The following ACAP3 variants were observed in gnomAD, a reference collection of about 807,000 sequenced individuals.
ACAP3 encodes arf-GAP with coiled-coil, ANK repeat and PH domain-containing protein 3.
A neutral mutation model predicts 104.1 loss-of-function variants in ACAP3; 56 were observed. That is an observed-to-expected ratio of 0.54 (90% CI 0.43 to 0.67). The LOEUF is 0.67. ACAP3 is among the 30% of genes least tolerant of loss of function. ACAP3 has a pLI of 0.00. For synonymous variants in ACAP3, 628 were observed against 496.2 expected, an observed-to-expected ratio of 1.27 and a Z score of -3.53; for missense variants, 1,208 against 1,174.9, an observed-to-expected ratio of 1.03 and a Z score of -0.41.
In ACAP3 at chr1:1,303,145, GT is replaced by G. The variant is rs1641525167; in HGVS notation, c.225+16del. 3.8e-6 allele frequency: 6 copies of G among 1,584,988 alleles called. No homozygotes were observed. The highest frequency in any genetic ancestry group is 5.1e-6 in the Non-Finnish European group (6 of 1,166,404). Reference sequence around the variant, plus strand: ...CCCCAACCCCACCTTGAGGTCAGAGGTCAGTCGGCCCCTCACCGAGATGACG... The same window carrying G: ...CCCCAACCCCACCTTGAGGTCAGAGGCAGTCGGCCCCTCACCGAGATGACG... On this transcript the variant is annotated intron_variant, in intron 3 of 23. Transcript: ENST00000354700. The surrounding 1 kb of genome is among the most constrained non-coding windows in gnomAD (Gnocchi z 4.0).
chr1:1,302,186 G>GGGGGTCA, intron 4 of ACAP3, 140 bp from the exon 5 acceptor site: 1 of 653,400 alleles, frequency 1.5e-6, no homozygotes, highest in Non-Finnish European at 2.3e-6. Flanking sequence ...CTGGCCTCAA[G>GGGGGTCA]GGGGTCAGGG....
At chr1:1,296,845 G>A (rs1641190794) in intron 14 of ACAP3, among the ~76,000 whole-genome samples, 3 of 146,558 alleles carry the variant, frequency 2.0e-5, no homozygotes, top group Admixed American at 6.7e-5. Flanking sequence ...ACACCCTCAC[G>A]TGGACAGGTG....
intron 6 of ACAP3, 91 bp from the exon 7 acceptor site, chr1:1,300,293 G>A: frequency 6.9e-7 from 1 of 1,457,118 alleles, no homozygotes; most frequent in East Asian, 2.4e-5. Context: ...GCTGCTTGTG[G>A]TTCCCTGAGA....
intron 1 of ACAP3, chr1:1,305,305 C>T (rs1641643905): frequency 6.5e-6 from 1 of 153,164 alleles, no homozygotes; most frequent in African/African-American, 2.4e-5. Context: ...GCTGTGGTGT[C>T]CGCTGACCGC....
chr1:1,298,976 C>A (rs1641322340), intron 10 of ACAP3: 4 of 552,138 alleles, frequency 7.2e-6, no homozygotes, highest in Non-Finnish European at 1.3e-5. Context: ...GGAAGCTGCG[C>A]CCCCACCCTC....
Position 1,293,473 on chromosome 1 carries a change from A to C in ACAP3, c.*91T>G. ...TGCCAGGTATCGACCCGCGGGTCAC[A>C]CGCAGGGCCGCGGCCGGGTGGGCGC... On this transcript the variant is annotated 3_prime_UTR_variant, in exon 24 of 24. Coordinates refer to ENST00000354700, the MANE Select transcript of ACAP3 (RefSeq NM_030649.3). The C allele has an allele frequency of 7.9e-7, 1 of 1,273,482 alleles. No homozygotes were observed. The highest frequency in any genetic ancestry group is 1.9e-5 in the South Asian group (1 of 53,440). 78.9% of individuals were successfully genotyped at this position (1,273,482 alleles called of 1,614,324 possible). A position where few individuals can be genotyped will look rare whatever the true frequency, so the allele number is the denominator to read the frequency against.
intron 10 of ACAP3, chr1:1,299,103 G>A (rs1266324880): frequency 3.7e-5 from 22 of 588,562 alleles, no homozygotes; most frequent in Non-Finnish European, 5.7e-5. Context: ...GGGAAGCAGA[G>A]GGGAGGGGCG....
chr1:1,302,896 A>C (rs1171965729), intron 4 of ACAP3, 26 bp downstream of exon 4: 1 of 1,586,296 alleles, frequency 6.3e-7, no homozygotes, highest in Non-Finnish European at 8.6e-7. Flanking sequence ...GGCACAGCCC[A>C]CAGGTGGCAG....
intron 9 of ACAP3, chr1:1,299,580 C>G (rs1294567594): frequency 1.4e-6 from 1 of 719,592 alleles, no homozygotes; most frequent in African/African-American, 1.8e-5. Flanking sequence ...AAAGGCCCCG[C>G]AAGGAGCCAG....
intron 1 of ACAP3, chr1:1,304,835 G>C (rs911342721): frequency 6.6e-6 from 1 of 152,468 alleles, no homozygotes; most frequent in Non-Finnish European, 1.5e-5. Context: ...GAGAATCCCC[G>C]GAAGACAGGA....
At chr1:1,298,711 C>T in intron 10 of ACAP3, 32 bp from the exon 11 acceptor site, 9 of 1,546,082 alleles carry the variant, frequency 5.8e-6, no homozygotes, top group Non-Finnish European at 7.1e-6. Context: ...CCTCAGTGCC[C>T]ACCCCAGGGG....
At chr1:1,299,775 G>A (rs1409381425) in intron 9 of ACAP3, 56 bp downstream of exon 9, 2 of 1,504,116 alleles carry the variant, frequency 1.3e-6, no homozygotes, top group South Asian at 1.3e-5. Flanking sequence ...CATGGGGTGA[G>A]GACGCAGGGG....
Position 1,293,894 on chromosome 1 carries a change from G to T in ACAP3, c.2289C>A (p.His763Gln), listed in dbSNP as rs749256892. The T allele has an allele frequency of 1.3e-6, 2 of 1,584,350 alleles. No individual in the cohort carries two copies. The highest frequency in any genetic ancestry group is 1.4e-5 in the African/African-American group (1 of 71,360). Reference protein sequence around the residue: ...CLFLKRGADQHALDQEQRDPL... With the variant: ...CLFLKRGADQQALDQEQRDPL... ...GGTCCCGCTGCTCTTGGTCCAGGGC[G>T]TGCTGGTCCGCGCCCCGCTTCAGGA... The change falls in exon 23 of 24, where the codon CAC becomes CAA. Residue 763 changes from histidine to glutamine, a missense_variant. Coordinates refer to ENST00000354700, the MANE Select transcript of ACAP3 (RefSeq NM_030649.3).
At chr1:1,295,314 G>T (rs561122035) in intron 19 of ACAP3, 133 bp downstream of exon 19, 2 of 752,890 alleles carry the variant, frequency 2.7e-6, no homozygotes, top group East Asian at 2.7e-5. Flanking sequence ...GCCTCCAGCT[G>T]TGTGGCCAGG....
rs749150973 is a variant in ACAP3, at chr1:1,302,803, C to CA, written c.279+118_279+119insT. ...ACTTGAAAATGTGGGATTCCCCCCC[C>CA]CCCCGACTAGAGGAGCAGAAACGTG... On this transcript the variant is annotated intron_variant, in intron 4 of 23. Coordinates refer to ENST00000354700, the MANE Select transcript of ACAP3 (RefSeq NM_030649.3). The CA allele has an allele frequency of 3.4e-4, 113 of 329,518 alleles. 1 individual carries two copies. The highest frequency in any genetic ancestry group is 6.1e-4 in the Non-Finnish European group (103 of 169,976). 20.4% of individuals were successfully genotyped at this position (329,518 alleles called of 1,614,324 possible).
rs955692086 is a variant in ACAP3 at position 1,303,093 on chromosome 1, T to A, written c.225+69A>T. The A allele has an allele frequency of 6.4e-7, 1 of 1,554,594 alleles. No homozygotes were observed. Among genetic ancestry groups the A allele is most frequent in the African/African-American group, 1.4e-5 (1 of 73,064 alleles). On this transcript the variant is annotated intron_variant, in intron 3 of 23. Coordinates refer to ENST00000354700, the MANE Select transcript of ACAP3 (RefSeq NM_030649.3). The surrounding 1 kb of genome is among the most constrained non-coding windows in gnomAD (Gnocchi z 4.0). ...CGGCCTGCTTCTGGCCTGGACGCCC[T>A]CAAGGGGCTGCCTCCCTCGGCCTCT... is the stretch of plus-strand genomic sequence containing the variant.
chr1:1,295,444 T>TA lies in ACAP3; in HGVS notation c.1813+2dup, dbSNP rs1641084071. The TA allele has an allele frequency of 1.2e-6, 2 of 1,612,076 alleles. No homozygotes were observed. Among genetic ancestry groups the TA allele is most frequent in the Non-Finnish European group, 1.7e-6 (2 of 1,179,638 alleles). On this transcript the variant is annotated splice_region_variant and intron_variant, in intron 19 of 23. Coordinates refer to ENST00000354700, the MANE Select transcript of ACAP3 (RefSeq NM_030649.3). ...CACCTGGCTGGGCCCACCCCACACT[T>TA]ACTGCGAGGGCCAGCCCCTGCGGCC...
At chr1:1,298,540 C>T (rs552175719) in intron 11 of ACAP3, 27 bp downstream of exon 11, 10 of 1,549,612 alleles carry the variant, frequency 6.5e-6, no homozygotes, top group Admixed American at 3.5e-5. Flanking sequence ...CTAAGGACCC[C>T]GCCCCCACCT....
rs1456745482 is a variant in ACAP3 at position 1,294,585 on chromosome 1, G to A, written c.1956C>T (p.Asp652=). 4 of 1,515,512 alleles carry A rather than the reference G, an allele frequency of 2.6e-6. No homozygotes were observed. Among genetic ancestry groups the A allele is most frequent in the Non-Finnish European group, 2.6e-6 (3 of 1,138,432 alleles). The allele number at this position is 1,515,512 out of a possible 1,614,324, so 93.9% of individuals were successfully genotyped here. Residue 652 remains aspartate (D), a synonymous_variant, in exon 21 of 24, where the codon GAC becomes GAT. Transcript: ENST00000354700. ...SEESSGEADG[D]TEAEAWGLAD... is the part of the protein sequence containing the mutation. ...CCAGGCCCCAGGCCTCGGCCTCAGTGTCCCCGTCTGCCTCACCGCTGGACT... is the reference window on the plus strand; with the variant it reads ...CCAGGCCCCAGGCCTCGGCCTCAGTATCCCCGTCTGCCTCACCGCTGGACT...
Sources: gnomAD v4.1 joint callset for allele counts (sites outside exome capture counted in the v4.1 genomes callset) on GRCh38, gnomAD v4.1.1 for gene constraint, Gnocchi (gnomAD v3.1) non-coding constraint, MANE v1.5 for transcripts, NCBI Gene and HGNC (gene_info 2026-07-23, HGNC 2026-07-21) for gene names.